Variants in RIN2 observed in about 807,000 individuals in gnomAD.
RIN2 encodes RAB5 interacting protein 2.
Under a neutral mutation model 78.0 loss-of-function variants are expected in RIN2, and 36 were observed. The ratio of observed to expected loss-of-function variants is 0.46; its 90% CI spans 0.35 to 0.61. The LOEUF (loss-of-function observed/expected upper bound fraction) is 0.61, where lower values mean the gene tolerates loss of function less well. Among genes scored for constraint, RIN2 ranks in the 20% least tolerant of loss-of-function variants. The pLI is 0.00. For synonymous variants in RIN2, 466 were observed against 466.8 expected, an observed-to-expected ratio of 1.00 and a Z score of 0.02; for missense variants, 1,087 against 1,159.7, an observed-to-expected ratio of 0.94 and a Z score of 0.91.
chr20:19,880,408 T>C (rs1434594905), intron 2 of RIN2, among the ~76,000 whole-genome samples: 1 of 138,286 alleles, frequency 7.2e-6, no homozygotes, highest in Non-Finnish European at 1.6e-5. Context: ...TTTTTTTTTT[T>C]TTTTTTTTTT....
intron 4 of RIN2, among the ~76,000 whole-genome samples, chr20:19,952,838 C>T (rs553458907): frequency 1.3e-5 from 2 of 152,296 alleles, no homozygotes; most frequent in South Asian, 4.2e-4. Flanking sequence ...ACCCATCCCG[C>T]GCCCGCAGCC....
rs529530940 is a variant in RIN2 at position 19,887,078 on chromosome 20, T to C, written c.-36-2488T>C. Reference sequence around the variant, plus strand: ...TGTTACTCTGTCGCTCAGGCCAAAGTGCAGTGGTGCGATCATGGCTCACTG... The same window carrying C: ...TGTTACTCTGTCGCTCAGGCCAAAGCGCAGTGGTGCGATCATGGCTCACTG... On this transcript the variant is annotated intron_variant, in intron 2 of 12. Coordinates refer to ENST00000255006, the MANE Select transcript of RIN2 (RefSeq NM_018993.4). Among the ~76,000 whole-genome samples, 365 of 152,000 alleles carry C rather than the reference T, an allele frequency of 2.4e-3. 2 individuals are homozygous for C. The highest frequency in any genetic ancestry group is 3.7e-3 in the Non-Finnish European group (249 of 67,948).
intron 2 of RIN2, among the ~76,000 whole-genome samples, chr20:19,868,015 C>T (rs67502853): frequency 0.23 from 35,739 of 152,130 alleles, 4,370 homozygotes; most frequent in East Asian, 0.3. Context: ...TCATGTCTGG[C>T]GTGGGGCATG....
chr20:19,943,454 C>G (rs762097054), intron 4 of RIN2, among the ~76,000 whole-genome samples: 5 of 152,182 alleles, frequency 3.3e-5, no homozygotes, highest in Non-Finnish European at 5.9e-5. Context: ...GTGACATGCT[C>G]TTACAAATCT....
intron 6 of RIN2, among the ~76,000 whole-genome samples, chr20:19,961,773 G>T (rs879306701): frequency 6.6e-6 from 1 of 152,032 alleles, no homozygotes; most frequent in East Asian, 1.9e-4. Context: ...TGTCAACCTG[G>T]ATCTTACAAG....
intron 1 of RIN2, among the ~76,000 whole-genome samples, chr20:19,774,795 T>C (rs1245316649): frequency 6.6e-6 from 1 of 152,194 alleles, no homozygotes; most frequent in Non-Finnish European, 1.5e-5. Context: ...TGACTGCTGA[T>C]CACAGACAGC....
rs573238009 is a variant in RIN2, at chr20:19,967,847, G to A, written c.536+2823G>A. 4.6e-5 allele frequency among the ~76,000 whole-genome samples: 7 copies of A among 152,228 alleles called. No homozygotes were observed. The South Asian group carries it at 1.0e-3, about 23-fold the overall frequency. Reference sequence around the variant, plus strand: ...AATAGAGGAAATAATAATTTTAGGGGTCTTCTATATCTGTACTAAGCACCA... The same window carrying A: ...AATAGAGGAAATAATAATTTTAGGGATCTTCTATATCTGTACTAAGCACCA... On this transcript the variant is annotated intron_variant, in intron 7 of 12. Transcript: ENST00000255006.
At chr20:19,778,235 A>C (rs1355261229) in intron 1 of RIN2, among the ~76,000 whole-genome samples, 2 of 152,378 alleles carry the variant, frequency 1.3e-5, no homozygotes, top group South Asian at 2.1e-4. Context: ...TTCCAGTTGC[A>C]TGAACATTTA....
At position 19,960,393 on chromosome 20, in the gene RIN2, G is replaced by A. The variant is rs1442556672; in HGVS notation, c.352-307G>A. ...TATAACTCATATAAGACAGGGGCTGGAGACCGTAACTCCAGCAGTAAAACA... is the reference window on the plus strand; with the variant it reads ...TATAACTCATATAAGACAGGGGCTGAAGACCGTAACTCCAGCAGTAAAACA... On this transcript the variant is annotated intron_variant, in intron 5 of 12. Transcript: ENST00000255006. Among the ~76,000 whole-genome samples the A allele has an allele frequency of 2.6e-5, 4 of 152,190 alleles. No homozygotes were observed. In the East Asian group the frequency reaches 5.8e-4, roughly 22 times the overall value.
In RIN2 at chr20:19,938,657, G is replaced by C. The variant is rs188316734; in HGVS notation, c.158+3458G>C. 3.8e-3 allele frequency among the ~76,000 whole-genome samples: 576 copies of C among 152,304 alleles called. 1 individual carries two copies. Among genetic ancestry groups the C allele is most frequent in the Non-Finnish European group, 5.8e-3 (394 of 68,028 alleles). ...GGAATAATAACAGAGTTACCTCACA[G>C]TGTTGTTGGGAAGATTAAGTGAGTT... On this transcript the variant is annotated intron_variant, in intron 4 of 12. Transcript: ENST00000255006.
intron 2 of RIN2, chr20:19,823,713 G>T: frequency 1.3e-6 from 2 of 1,588,362 alleles, no homozygotes; most frequent in Non-Finnish European, 1.7e-6. Flanking sequence ...TCATGGCAGA[G>T]GCAGAAGGCA....
chr20:19,787,004 A>G (rs2034698362), intron 1 of RIN2, among the ~76,000 whole-genome samples: 1 of 152,198 alleles, frequency 6.6e-6, no homozygotes, highest in Admixed American at 6.5e-5. Context: ...GGATAAAGCT[A>G]AAAGGACATA....
At chr20:19,965,982 A>AT (rs1164626240) in intron 7 of RIN2, among the ~76,000 whole-genome samples, 5 of 151,632 alleles carry the variant, frequency 3.3e-5, no homozygotes, top group African/African-American at 9.7e-5. Flanking sequence ...CTTTTTTTCC[A>AT]TTTTTTTCTT....
At chr20:19,838,271 A>C (rs754267582) in intron 2 of RIN2, among the ~76,000 whole-genome samples, 4 of 152,004 alleles carry the variant, frequency 2.6e-5, no homozygotes, top group Non-Finnish European at 5.9e-5. Flanking sequence ...TGAGGAAGAG[A>C]GATATGGCCT....
intron 7 of RIN2, among the ~76,000 whole-genome samples, chr20:19,968,466 C>T (rs2042007030): frequency 6.6e-6 from 1 of 152,000 alleles, no homozygotes; most frequent in African/African-American, 2.4e-5. Flanking sequence ...TGTGCGTGTG[C>T]ATGCATGTGC....
chr20:19,918,353 TTGTG>T (rs3059683), intron 3 of RIN2, among the ~76,000 whole-genome samples: 13,319 of 147,088 alleles, frequency 0.091, 746 homozygotes, highest in East Asian at 0.15. Flanking sequence ...TACAAATACA[TTGTG>T]TGTGTGTGTG....
chr20:19,809,842 C>G (rs1168629480), intron 2 of RIN2, among the ~76,000 whole-genome samples: 1 of 152,120 alleles, frequency 6.6e-6, no homozygotes, highest in Middle Eastern at 3.2e-3. Flanking sequence ...AACCCACAAC[C>G]ACTACAAGAA....
At chr20:19,911,227 T>G (rs151199905) in intron 3 of RIN2, among the ~76,000 whole-genome samples, 313 of 151,356 alleles carry the variant, frequency 2.1e-3, no homozygotes, top group Admixed American at 5.8e-3. Flanking sequence ...ATTTTTTAAT[T>G]TTTTTAGTAG....
intron 9 of RIN2, among the ~76,000 whole-genome samples, chr20:19,987,353 CA>C (rs2042653405): frequency 6.6e-6 from 1 of 152,174 alleles, no homozygotes; most frequent in Non-Finnish European, 1.5e-5. Flanking sequence ...TGGTCACTTA[CA>C]ACCATGAATG....
Sources: gnomAD v4.1 joint callset for allele counts (sites outside exome capture counted in the v4.1 genomes callset) on GRCh38, gnomAD v4.1.1 for gene constraint, MANE v1.5 for transcripts, NCBI Gene and HGNC (gene_info 2026-07-23, HGNC 2026-07-21) for gene names.